The following FGGY variants were observed in gnomAD, a reference collection of about 807,000 sequenced individuals.
FGGY encodes the protein FGGY carbohydrate kinase domain containing, also known as FGGY carbohydrate kinase domain-containing protein.
In FGGY, 72 loss-of-function variants were observed where a neutral mutation model predicts 71.3. The observed-to-expected ratio is 1.01, with a 90% CI of 0.84 to 1.23. The LOEUF is 1.23. Among genes scored for constraint, FGGY ranks in the 50% most tolerant of loss-of-function variants. The pLI is 0.00. For synonymous variants in FGGY, 251 were observed against 250.3 expected (o/e 1.00, Z -0.02); for missense variants, 668 against 682.3 (o/e 0.98, Z 0.23).
chr1:59,531,297 A>AT (rs2095137419), intron 7 of FGGY, among the ~76,000 whole-genome samples: 1 of 152,126 alleles, frequency 6.6e-6, no homozygotes, highest in African/African-American at 2.4e-5. Flanking sequence ...ATATGCCAAA[A>AT]TTTTCCTACT....
At chr1:59,503,629 T>TTA (rs922743153) in intron 6 of FGGY, among the ~76,000 whole-genome samples, 3 of 140,622 alleles carry the variant, frequency 2.1e-5, no homozygotes, top group African/African-American at 8.6e-5. Context: ...AAAATATGTA[T>TTA]TATATATATA....
At chr1:59,308,277 T>C (rs994072314) in intron 1 of FGGY, among the ~76,000 whole-genome samples, 4 of 152,128 alleles carry the variant, frequency 2.6e-5, no homozygotes, top group Non-Finnish European at 5.9e-5. Flanking sequence ...GTAGCCCATG[T>C]ATAAGGGTAA....
chr1:59,568,018 G>A (rs1029860017), intron 8 of FGGY, among the ~76,000 whole-genome samples: 5 of 152,006 alleles, frequency 3.3e-5, no homozygotes, highest in African/African-American at 1.2e-4. Context: ...AGATGTTTGA[G>A]CATAGAGAAT....
At chr1:59,320,892 G>T (rs1193879335) in intron 1 of FGGY, among the ~76,000 whole-genome samples, 1 of 152,204 alleles carries the variant, frequency 6.6e-6, no homozygotes, top group South Asian at 2.1e-4. Context: ...AATCAGTGTA[G>T]TGTGTATCAT....
At chr1:59,306,868 G>C (rs1168143381) in intron 1 of FGGY, among the ~76,000 whole-genome samples, 1 of 152,178 alleles carries the variant, frequency 6.6e-6, no homozygotes, top group Admixed American at 6.5e-5. Context: ...ATCTAGATTT[G>C]GGGCTGAGCT....
At position 59,588,892 on chromosome 1, in the gene FGGY, T is replaced by A. The variant is rs1395840599; in HGVS notation, c.904-18911T>A. Among the ~76,000 whole-genome samples the A allele has an allele frequency of 5.9e-5, 9 of 152,168 alleles. No homozygotes were observed. In the East Asian group the frequency reaches 1.7e-3, roughly 29 times the overall value. ...GGAAACTGCATCAACTAACGAGCAATATAACCAGCTAACATCAAAATGACA... is the reference window on the plus strand; with the variant it reads ...GGAAACTGCATCAACTAACGAGCAAAATAACCAGCTAACATCAAAATGACA... On this transcript the variant is annotated intron_variant, in intron 8 of 15. Transcript: ENST00000303721.
At chr1:59,561,551 A>G (rs1407228120) in intron 8 of FGGY, among the ~76,000 whole-genome samples, 5 of 152,208 alleles carry the variant, frequency 3.3e-5, no homozygotes, top group Admixed American at 2.0e-4. Flanking sequence ...CCCAGGCAGT[A>G]GCACCCTTTC....
intron 15 of FGGY, among the ~76,000 whole-genome samples, chr1:59,758,492 C>T (rs1259734216): frequency 4.6e-5 from 7 of 152,166 alleles, no homozygotes; most frequent in Non-Finnish European, 8.8e-5. Context: ...AATTTAGGCA[C>T]ATAAGATTAT....
chr1:59,675,875 G>C (rs561339105), intron 14 of FGGY, among the ~76,000 whole-genome samples: 1 of 152,224 alleles, frequency 6.6e-6, no homozygotes, highest in African/African-American at 2.4e-5. Context: ...GGGTCTTTGG[G>C]AGCTAATTAG....
rs193127639 is a variant in FGGY at position 59,688,949 on chromosome 1, C to T, written c.1512+14816C>T. Among the ~76,000 whole-genome samples, 414 of 152,142 alleles carry T rather than the reference C, an allele frequency of 2.7e-3. 3 individuals are homozygous for T. The highest frequency in any genetic ancestry group is 4.4e-3 in the Non-Finnish European group (300 of 68,008). On this transcript the variant is annotated intron_variant, in intron 14 of 15. Coordinates refer to ENST00000303721, the MANE Select transcript of FGGY (RefSeq NM_018291.5). ...ATTTTTAGTAGAGACAGGATTTCAC[C>T]ATATTGGCCAGGCTGGTCTCGAACT...
chr1:59,736,887 G>C (rs1349106668), intron 14 of FGGY, among the ~76,000 whole-genome samples: 1 of 152,344 alleles, frequency 6.6e-6, no homozygotes. Context: ...CATGTCAGAG[G>C]TCTTCATGGC....
At chr1:59,566,515 A>G (rs1253102804) in intron 8 of FGGY, among the ~76,000 whole-genome samples, 3 of 152,180 alleles carry the variant, frequency 2.0e-5, no homozygotes, top group African/African-American at 7.2e-5. Context: ...GTGAGATCAA[A>G]GAACTCAGAA....
intron 8 of FGGY, among the ~76,000 whole-genome samples, chr1:59,584,121 T>G (rs892693931): frequency 1.3e-5 from 2 of 149,622 alleles, no homozygotes; most frequent in Non-Finnish European, 2.9e-5. Context: ...CTGAAACTAT[T>G]CCAGCCAATA....
intron 1 of FGGY, among the ~76,000 whole-genome samples, chr1:59,301,794 A>G (rs1253792301): frequency 7.3e-6 from 1 of 137,078 alleles, no homozygotes; most frequent in South Asian, 2.3e-4. Context: ...GCTCACTGCA[A>G]CCTCCACCTC....
Position 59,366,691 on chromosome 1 carries a change from AT to A in FGGY, c.466-12048del, listed in dbSNP as rs558927553. Reference sequence around the variant, plus strand: ...TTTCTTATATCTCCCAAAACTCTGCATTTTTTTTTTCATGAGTTAGACTTGG... The same window carrying A: ...TTTCTTATATCTCCCAAAACTCTGCATTTTTTTTTCATGAGTTAGACTTGG... On this transcript the variant is annotated intron_variant, in intron 4 of 15. Transcript: ENST00000303721. Among the ~76,000 whole-genome samples the A allele has an allele frequency of 1.3e-3, 196 of 147,434 alleles. 1 individual carries two copies. The highest frequency in any genetic ancestry group is 4.6e-3 in the African/African-American group (185 of 40,234).
At chr1:59,534,737 C>T (rs1479505591) in intron 7 of FGGY, among the ~76,000 whole-genome samples, 2 of 150,618 alleles carry the variant, frequency 1.3e-5, no homozygotes, top group Admixed American at 1.3e-4. Flanking sequence ...AACTAAGCTT[C>T]ATAAGTGAAG....
intron 8 of FGGY, among the ~76,000 whole-genome samples, chr1:59,590,466 C>G (rs931368397): frequency 2.6e-5 from 4 of 152,124 alleles, no homozygotes; most frequent in Non-Finnish European, 4.4e-5. Flanking sequence ...GATACCAAAG[C>G]CTGGCAGAGA....
intron 3 of FGGY, among the ~76,000 whole-genome samples, chr1:59,341,680 G>T (rs2050732967): frequency 6.6e-6 from 1 of 152,180 alleles, no homozygotes; most frequent in Non-Finnish European, 1.5e-5. Context: ...GGGCAGCCTT[G>T]TTCTGAGCCA....
intron 15 of FGGY, among the ~76,000 whole-genome samples, chr1:59,761,835 T>A (rs2098343066): frequency 6.6e-6 from 1 of 152,214 alleles, no homozygotes; most frequent in Non-Finnish European, 1.5e-5. Flanking sequence ...AAAAGGGCAA[T>A]TAAAATGTTC....
Sources: gnomAD v4.1 joint callset for allele counts (sites outside exome capture counted in the v4.1 genomes callset) on GRCh38, gnomAD v4.1.1 for gene constraint, MANE v1.5 for transcripts, NCBI Gene and HGNC (gene_info 2026-07-23, HGNC 2026-07-21) for gene names.